The following NRXN3 variants were observed in gnomAD, a reference collection of about 807,000 sequenced individuals.
The protein encoded by NRXN3 is neurexin 3, also known as neurexin III.
Under a neutral mutation model 137.6 loss-of-function variants are expected in NRXN3, and 32 were observed. That is an observed-to-expected ratio of 0.23 (90% CI 0.18 to 0.31). The LOEUF (loss-of-function observed/expected upper bound fraction) is 0.31. Ranked by LOEUF, NRXN3 falls within the 10% of genes least tolerant of loss-of-function variation. The pLI is 1.00. For synonymous variants in NRXN3, 798 were observed against 784.5 expected, an observed-to-expected ratio of 1.02 and a Z score of -0.29; for missense variants, 1,574 against 2,062.5, an observed-to-expected ratio of 0.76 and a Z score of 4.59.
chr14:79,828,931 A>G (rs1206855118), intron 20 of NRXN3, among the ~76,000 whole-genome samples: 1 of 152,194 alleles, frequency 6.6e-6, no homozygotes, highest in Non-Finnish European at 1.5e-5. Flanking sequence ...TGTGCTGGAG[A>G]TACAATGGTG....
At chr14:78,778,687 T>TTTCTTTCC (rs2098753625) in intron 8 of NRXN3, among the ~76,000 whole-genome samples, 1 of 114,908 alleles carries the variant, frequency 8.7e-6, no homozygotes, top group Non-Finnish European at 1.9e-5. Context: ...CTTTTCTTTC[T>TTTCTTTCC]TTCTTTCTTT....
chr14:78,404,007 G>A (rs773143550), intron 4 of NRXN3: 1 of 490,666 alleles, frequency 2.0e-6, no homozygotes, highest in Non-Finnish European at 2.6e-6. Flanking sequence ...TTAAATGTGG[G>A]GCAGAGGTTT....
At chr14:78,493,744 A>G (rs1159333810) in intron 4 of NRXN3, among the ~76,000 whole-genome samples, 1 of 152,128 alleles carries the variant, frequency 6.6e-6, no homozygotes, top group East Asian at 1.9e-4. Context: ...GCAAAAAGGA[A>G]TTTAAAACAT....
At chr14:79,090,844 T>C (rs896478605) in intron 15 of NRXN3, among the ~76,000 whole-genome samples, 2 of 152,152 alleles carry the variant, frequency 1.3e-5, no homozygotes, top group Non-Finnish European at 2.9e-5. Context: ...AGTCCTGTCA[T>C]GGATGTTGAC....
chr14:79,778,183 G>A (rs770720436), intron 19 of NRXN3, among the ~76,000 whole-genome samples: 18 of 152,204 alleles, frequency 1.2e-4, no homozygotes, highest in Admixed American at 2.6e-4. Context: ...TTGGGAGGCC[G>A]AGGCAGGTGG....
chr14:78,535,639 A>T (rs1566672710), intron 4 of NRXN3, among the ~76,000 whole-genome samples: 1 of 152,204 alleles, frequency 6.6e-6, no homozygotes, highest in Non-Finnish European at 1.5e-5. Flanking sequence ...AAGACTAAAA[A>T]GTCCGAAGGA....
At chr14:79,022,839 T>C (rs1300394014) in intron 15 of NRXN3, among the ~76,000 whole-genome samples, 1 of 152,174 alleles carries the variant, frequency 6.6e-6, no homozygotes, top group East Asian at 1.9e-4. Flanking sequence ...ATGTCTTCAT[T>C]AGCCTTAATC....
chr14:78,273,753 C>T (rs575301974), intron 2 of NRXN3, among the ~76,000 whole-genome samples: 23 of 152,290 alleles, frequency 1.5e-4, no homozygotes, highest in African/African-American at 5.1e-4. Context: ...AGTTGACAAA[C>T]CAGGTAAGAT....
chr14:79,049,083 A>AT (rs2099638034), intron 15 of NRXN3, among the ~76,000 whole-genome samples: 2 of 84,960 alleles, frequency 2.4e-5, no homozygotes, highest in African/African-American at 4.5e-5. Flanking sequence ...AATAATAATA[A>AT]TAATAATAAT....
intron 4 of NRXN3, among the ~76,000 whole-genome samples, chr14:78,362,517 C>T (rs1210433359): frequency 1.3e-5 from 2 of 152,156 alleles, no homozygotes. Context: ...TAAATTAGAA[C>T]ACTTCAGACA....
intron 10 of NRXN3, among the ~76,000 whole-genome samples, chr14:78,904,995 AC>A (rs1366789419): frequency 2.0e-5 from 3 of 151,980 alleles, no homozygotes; most frequent in Admixed American, 1.3e-4. Context: ...CTGCACAACC[AC>A]CCAGTTAATC....
chr14:79,682,236 T>A (rs2098674362), intron 17 of NRXN3, among the ~76,000 whole-genome samples: 1 of 152,188 alleles, frequency 6.6e-6, no homozygotes, highest in Non-Finnish European at 1.5e-5. Context: ...TGCTGATCCA[T>A]ACTTTTCTCT....
intron 10 of NRXN3, among the ~76,000 whole-genome samples, chr14:78,877,439 C>T (rs2099116488): frequency 1.3e-5 from 2 of 152,116 alleles, no homozygotes; most frequent in Non-Finnish European, 1.5e-5. Flanking sequence ...CTCCTTTTCA[C>T]TCTCACTCCA....
At chr14:79,383,468 T>A (rs2153457295) in intron 15 of NRXN3, among the ~76,000 whole-genome samples, 1 of 152,326 alleles carries the variant, frequency 6.6e-6, no homozygotes, top group African/African-American at 2.4e-5. Flanking sequence ...TTCATTCATT[T>A]CTTTTCATGT....
chr14:78,330,368 G>T (rs888721631), intron 4 of NRXN3, among the ~76,000 whole-genome samples: 2 of 151,558 alleles, frequency 1.3e-5, no homozygotes, highest in African/African-American at 4.9e-5. Flanking sequence ...TCCTTCTGGT[G>T]TTTTTTTCCT....
chr14:78,769,363 A>G (rs968501767), intron 8 of NRXN3, among the ~76,000 whole-genome samples: 3 of 152,234 alleles, frequency 2.0e-5, no homozygotes, highest in Non-Finnish European at 2.9e-5. Context: ...TAACTTGATT[A>G]TACCTGCAAA....
chr14:79,090,232 C>T (rs1012618394), intron 15 of NRXN3, among the ~76,000 whole-genome samples: 4 of 152,048 alleles, frequency 2.6e-5, no homozygotes, highest in Admixed American at 1.3e-4. Context: ...TGCTTTTAGA[C>T]TTCTCATTGC....
rs139094999 is a variant in NRXN3 at position 79,818,348 on chromosome 14, C to T, written c.4093+13158C>T. 7.2e-3 allele frequency among the ~76,000 whole-genome samples: 1,094 copies of T among 152,246 alleles called. 11 individuals are homozygous for T. The highest frequency in any genetic ancestry group is 0.025 in the African/African-American group (1,045 of 41,542). ...GATTACAGGCGTGAGCCACCGCGCCCGGCCGCACTTGGGGTTTCTAGCTCA... is the reference window on the plus strand; with the variant it reads ...GATTACAGGCGTGAGCCACCGCGCCTGGCCGCACTTGGGGTTTCTAGCTCA... On this transcript the variant is annotated intron_variant, in intron 20 of 20. Coordinates refer to ENST00000335750, the MANE Select transcript of NRXN3 (RefSeq NM_001330195.2).
chr14:78,410,023 C>T (rs1003903142), intron 4 of NRXN3, among the ~76,000 whole-genome samples: 1 of 152,176 alleles, frequency 6.6e-6, no homozygotes, highest in Non-Finnish European at 1.5e-5. Flanking sequence ...GATGCAGCAG[C>T]TCCAACCCTT....
Sources: gnomAD v4.1 joint callset for allele counts (sites outside exome capture counted in the v4.1 genomes callset) on GRCh38, gnomAD v4.1.1 for gene constraint, MANE v1.5 for transcripts, NCBI Gene and HGNC (gene_info 2026-07-23, HGNC 2026-07-21) for gene names.